The following POU6F2 variants were observed in gnomAD, a reference collection of about 807,000 sequenced individuals.
POU6F2 encodes POU class 6 homeobox 2.
A neutral mutation model predicts 71.3 loss-of-function variants in POU6F2; 31 were observed. The observed-to-expected ratio is 0.43, with a 90% CI of 0.33 to 0.59. POU6F2 has a LOEUF of 0.59. Ranked by LOEUF, POU6F2 falls within the 20% of genes least tolerant of loss-of-function variation. The probability of loss-of-function intolerance (pLI) is 0.04; values close to 1 mark genes in which losing one functional copy is unlikely to be tolerated. For missense variants in POU6F2, 783 were observed against 856.8 expected, an observed-to-expected ratio of 0.91 and a Z score of 1.07; for synonymous variants, 347 against 355.7, an observed-to-expected ratio of 0.98 and a Z score of 0.27.
intron 1 of POU6F2, chr7:38,984,101 T>G (rs992968828): frequency 5.3e-5 from 8 of 152,262 alleles, no homozygotes; most frequent in Admixed American, 3.9e-4. Flanking sequence ...CAACTGAGTA[T>G]TCTCACTTTC....
At chr7:39,084,393 T>C (rs1046210301) in intron 1 of POU6F2, among the ~76,000 whole-genome samples, 2 of 152,170 alleles carry the variant, frequency 1.3e-5, no homozygotes, top group Non-Finnish European at 2.9e-5. Flanking sequence ...CAATTAAGTA[T>C]TAATTTTGCC....
intron 5 of POU6F2, among the ~76,000 whole-genome samples, chr7:39,402,474 A>G (rs1257903933): frequency 6.6e-6 from 1 of 152,024 alleles, no homozygotes; most frequent in African/African-American, 2.4e-5. Flanking sequence ...AGATGGACTC[A>G]TTCACAATAT....
At chr7:39,411,061 G>A (rs1306557344) in intron 6 of POU6F2, among the ~76,000 whole-genome samples, 2 of 152,146 alleles carry the variant, frequency 1.3e-5, no homozygotes, top group African/African-American at 4.8e-5. Flanking sequence ...TAATCAAGAT[G>A]GTATGTGTTT....
intron 2 of POU6F2, among the ~76,000 whole-genome samples, chr7:39,164,148 AGC>A (rs1472834250): frequency 4.6e-5 from 7 of 152,106 alleles, no homozygotes; most frequent in African/African-American, 1.7e-4. Context: ...ATCTTGAATT[AGC>A]CATTCCGCAA....
intron 7 of POU6F2, among the ~76,000 whole-genome samples, chr7:39,437,134 A>G (rs185568795): frequency 1.8e-4 from 27 of 152,314 alleles, no homozygotes; most frequent in Admixed American, 1.2e-3. Context: ...TGCTGGCTTC[A>G]TAAAATTAGT....
intron 1 of POU6F2, among the ~76,000 whole-genome samples, chr7:39,032,396 C>T (rs760005096): frequency 5.3e-5 from 8 of 152,204 alleles, no homozygotes; most frequent in Admixed American, 5.2e-4. Context: ...TGTTGGCATG[C>T]AGCCGCCATC....
intron 2 of POU6F2, among the ~76,000 whole-genome samples, chr7:39,169,969 G>A (rs904091661): frequency 2.0e-5 from 3 of 152,116 alleles, no homozygotes; most frequent in African/African-American, 7.2e-5. Context: ...GATCACTTGA[G>A]GTCAGGAGTT....
At chr7:39,083,144 A>T (rs1346186096) in intron 1 of POU6F2, among the ~76,000 whole-genome samples, 2 of 152,210 alleles carry the variant, frequency 1.3e-5, no homozygotes, top group African/African-American at 4.8e-5. Context: ...GTGATTCGGG[A>T]TTCAGTTTGA....
chr7:39,333,562 C>A (rs1411104209), intron 4 of POU6F2, among the ~76,000 whole-genome samples: 6 of 152,088 alleles, frequency 3.9e-5, no homozygotes, highest in Non-Finnish European at 8.8e-5. Context: ...CATGGTGAAA[C>A]CCCATCTCTA....
chr7:39,388,813 T>C (rs569879829), intron 5 of POU6F2, among the ~76,000 whole-genome samples: 133 of 152,332 alleles, frequency 8.7e-4, no homozygotes, highest in African/African-American at 3.2e-3. Flanking sequence ...TTTGAAACCA[T>C]TTCTACTTGA....
chr7:38,985,180 A>G (rs1035629518), intron 1 of POU6F2, among the ~76,000 whole-genome samples: 3 of 152,172 alleles, frequency 2.0e-5, no homozygotes, highest in Admixed American at 6.6e-5. Context: ...ACACAATAGT[A>G]GGGACTATGG....
At chr7:39,280,834 C>T (rs940685238) in intron 4 of POU6F2, among the ~76,000 whole-genome samples, 6 of 152,178 alleles carry the variant, frequency 3.9e-5, no homozygotes, top group African/African-American at 1.4e-4. Flanking sequence ...ACATCTTCTG[C>T]CTACAAAGTA....
At chr7:39,283,820 CACTTA>C (rs1347103576) in intron 4 of POU6F2, among the ~76,000 whole-genome samples, 4 of 152,200 alleles carry the variant, frequency 2.6e-5, no homozygotes, top group African/African-American at 9.6e-5. Context: ...AGCCAAAAGA[CACTTA>C]ACTTATTTTC....
chr7:39,070,550 G>A (rs1295604935), intron 1 of POU6F2, among the ~76,000 whole-genome samples: 1 of 151,388 alleles, frequency 6.6e-6, no homozygotes, highest in African/African-American at 2.4e-5. Flanking sequence ...TACTAGATCT[G>A]GCCATGGGCC....
chr7:39,330,864 A>C (rs1439322566), intron 4 of POU6F2, among the ~76,000 whole-genome samples: 1 of 152,218 alleles, frequency 6.6e-6, no homozygotes, highest in East Asian at 1.9e-4. Context: ...ACTGTGCAAC[A>C]GAACACCAGA....
At chr7:39,220,214 G>A (rs191996894) in intron 4 of POU6F2, among the ~76,000 whole-genome samples, 1 of 152,302 alleles carries the variant, frequency 6.6e-6, no homozygotes, top group African/African-American at 2.4e-5. Flanking sequence ...CGTGAAAGGT[G>A]TGCCACTTCC....
intron 2 of POU6F2, among the ~76,000 whole-genome samples, chr7:39,152,790 T>A (rs1224152401): frequency 6.6e-6 from 1 of 152,218 alleles, no homozygotes; most frequent in Non-Finnish European, 1.5e-5. Context: ...GGTTTAAATT[T>A]CCTACAATCC....
chr7:39,451,749 G>A (rs567886497), intron 8 of POU6F2, 48 bp downstream of exon 8: 3 of 1,502,750 alleles, frequency 2.0e-6, no homozygotes, highest in Non-Finnish European at 2.7e-6. Flanking sequence ...CCTTCTTGTT[G>A]CCTATTTGCA....
intron 4 of POU6F2, among the ~76,000 whole-genome samples, chr7:39,313,211 C>T (rs908698818): frequency 1.3e-5 from 2 of 152,176 alleles, no homozygotes; most frequent in Non-Finnish European, 2.9e-5. Flanking sequence ...TCACTTCCCT[C>T]CTCCTGATCC....
Sources: allele counts gnomAD v4.1 joint callset (sites outside exome capture counted in the v4.1 genomes callset), GRCh38; gene constraint gnomAD v4.1.1; transcripts MANE v1.5; gene names NCBI Gene and HGNC (gene_info 2026-07-23, HGNC 2026-07-21).